Variants in RNF135 observed in about 807,000 individuals in gnomAD.
RNF135 encodes ring finger protein 135.
Under a neutral mutation model 41.9 loss-of-function variants are expected in RNF135, and 46 were observed. The ratio of observed to expected loss-of-function variants is 1.10; its 90% CI spans 0.87 to 1.40. RNF135 has a LOEUF of 1.40. RNF135 is among the 40% of genes most tolerant of loss of function. RNF135 has a pLI of 0.00. For synonymous variants in RNF135, 238 were observed against 223.8 expected, an observed-to-expected ratio of 1.06 and a Z score of -0.57; for missense variants, 539 against 549.8, an observed-to-expected ratio of 0.98 and a Z score of 0.20.
At chr17:30,977,317 T>C (rs1906546571) in intron 1 of RNF135, among the ~76,000 whole-genome samples, 1 of 152,150 alleles carries the variant, frequency 6.6e-6, no homozygotes, top group Non-Finnish European at 1.5e-5. Context: ...TTGAAAGTTG[T>C]TGTAGTTATT....
intron 1 of RNF135, among the ~76,000 whole-genome samples, chr17:30,975,032 C>A (rs7208589): frequency 6.6e-6 from 1 of 151,428 alleles, no homozygotes; most frequent in Admixed American, 6.6e-5. Flanking sequence ...CTCACACTTA[C>A]AATCCTAGCA....
chr17:30,976,060 C>G (rs1029208191), intron 1 of RNF135: 1 of 227,264 alleles, frequency 4.4e-6, no homozygotes, highest in African/African-American at 2.3e-5. Context: ...GACTGGAGTG[C>G]GGTGGCGTGA....
intron 2 of RNF135, among the ~76,000 whole-genome samples, chr17:30,986,484 A>G (rs1298226366): frequency 6.6e-6 from 1 of 152,114 alleles, no homozygotes; most frequent in Non-Finnish European, 1.5e-5. Flanking sequence ...CGTGCGCCAC[A>G]TTGCCTGGCT....
chr17:30,983,734 A>G (rs562422377), intron 1 of RNF135, among the ~76,000 whole-genome samples: 19 of 150,264 alleles, frequency 1.3e-4, no homozygotes, highest in African/African-American at 4.6e-4. Context: ...GAGGGTTCCA[A>G]TCTTCCCACA....
chr17:30,985,419 G>A (rs908132566), intron 2 of RNF135, among the ~76,000 whole-genome samples: 13 of 152,082 alleles, frequency 8.5e-5, no homozygotes, highest in Non-Finnish European at 1.3e-4. Context: ...CCTCTTCTGG[G>A]ATTTCTCATC....
At position 30,983,336 on chromosome 17, in the gene RNF135, TATATATATATATATATA is replaced by T. The variant is rs1187723421; in HGVS notation, c.373-1280_373-1264del. Among the ~76,000 whole-genome samples, 31 of 28,908 alleles carry T rather than the reference TATATATATATATATATA, an allele frequency of 1.1e-3. 1 individual carries two copies. The highest frequency in any genetic ancestry group is 4.3e-3 in the East Asian group (3 of 692). 19.0% of individuals were successfully genotyped at this position (28,908 alleles called of 152,430 possible). On this transcript the variant is annotated intron_variant, in intron 1 of 4. Transcript: ENST00000328381. ...ATATATGTACATATATATATATATATATATATATATATATATATTTTTTTTTTTTTTTTTTGAGATGG... is the reference window on the plus strand; with the variant it reads ...ATATATGTACATATATATATATATATTTTTTTTTTTTTTTTTTTGAGATGG...
At chr17:30,979,813 C>T (rs1471630287) in intron 1 of RNF135, among the ~76,000 whole-genome samples, 2 of 121,118 alleles carry the variant, frequency 1.7e-5, no homozygotes, top group African/African-American at 3.3e-5. Context: ...GGGGGGCTGA[C>T]CCCCCCACCT....
intron 1 of RNF135, chr17:30,978,740 C>T (rs1208369585): frequency 7.6e-6 from 1 of 132,296 alleles, no homozygotes; most frequent in African/African-American, 2.9e-5. Flanking sequence ...TTTTCCTAGG[C>T]AGAGGACCCT....
intron 3 of RNF135, among the ~76,000 whole-genome samples, chr17:30,993,472 T>A (rs552502089): frequency 6.6e-6 from 1 of 152,260 alleles, no homozygotes; most frequent in Non-Finnish European, 1.5e-5. Context: ...CCCAAAGTGC[T>A]GGGATTACAG....
In RNF135 at chr17:30,985,957, C is replaced by T. The variant is rs555120170; in HGVS notation, c.516+1197C>T. On this transcript the variant is annotated intron_variant, in intron 2 of 4. Coordinates refer to ENST00000328381, the MANE Select transcript of RNF135 (RefSeq NM_032322.4). ...CTTCATGGAATGCTCTCCTTTCCCTCCATCACTTAGGTAATACTTGCTCAT... is the reference window on the plus strand; with the variant it reads ...CTTCATGGAATGCTCTCCTTTCCCTTCATCACTTAGGTAATACTTGCTCAT... Among the ~76,000 whole-genome samples the T allele has an allele frequency of 2.2e-4, 33 of 152,302 alleles. 1 individual carries two copies. In the South Asian group the frequency reaches 6.2e-3, roughly 29 times the overall value.
intron 2 of RNF135, 149 bp from the exon 3 acceptor site, chr17:30,987,795 G>C: frequency 1.5e-6 from 1 of 686,412 alleles, no homozygotes. Flanking sequence ...TTTTTTTCAA[G>C]GCATATTTTT....
At chr17:30,991,287 C>T (rs768096359) in intron 3 of RNF135, among the ~76,000 whole-genome samples, 27 of 151,934 alleles carry the variant, frequency 1.8e-4, no homozygotes, top group African/African-American at 3.1e-4. Context: ...TGCTTGAACC[C>T]GGGAGGCAGA....
upstream of RNF135, chr17:30,970,693 C>T: frequency 3.7e-6 from 1 of 272,140 alleles, no homozygotes. Flanking sequence ...CAAGAGTTGT[C>T]GGTGTTGCAT....
chr17:30,973,170 G>A (rs1204399945), intron 1 of RNF135: 4 of 152,114 alleles, frequency 2.6e-5, no homozygotes, highest in Non-Finnish European at 5.9e-5. Context: ...TTGCAGAAAT[G>A]TCTATTCAAG....
Position 30,971,314 on chromosome 17 carries a change from CT to C in RNF135, c.242del (p.Leu81ArgfsTer47). On this transcript the variant is annotated frameshift_variant, in exon 1 of 5. Coordinates refer to ENST00000328381, the MANE Select transcript of RNF135 (RefSeq NM_032322.4). LOFTEE classifies it high-confidence loss of function. ...GCGGAAGAACACGCTACTGCAGGAC[CT>C]GGCCGACAAGTACCGCCGCGCCGCA... is the stretch of plus-strand genomic sequence containing the variant. ...HLRKNTLLQD[L>X]ADKYRRAARE... is the part of the protein sequence containing the mutation. 3 of 1,534,234 alleles carry C rather than the reference CT, an allele frequency of 2.0e-6. No individual in the cohort carries two copies. Among genetic ancestry groups the C allele is most frequent in the Non-Finnish European group, 2.6e-6 (3 of 1,143,694 alleles).
At chr17:30,970,961 A>G, upstream of RNF135, 1 of 1,439,326 alleles carries the variant, frequency 6.9e-7, no homozygotes, top group South Asian at 1.3e-5. Context: ...GAAGGAGGAG[A>G]AAAGGCGGCC....
rs1363928243 is a variant in RNF135 at position 30,971,412 on chromosome 17, C to G, written c.339C>G (p.Ala113=). ...GCTCCAGTTCCCTCTCCAGCGCGGC[C>G]GCGAGGCCCCGGCGCCGCCCGGAAC... ...CPGSSSLSSA[A]ARPRRRPELQ... is the part of the protein sequence containing the mutation. Residue 113 remains alanine, a synonymous_variant, in exon 1 of 5, where the codon GCC becomes GCG. Coordinates refer to ENST00000328381, the MANE Select transcript of RNF135 (RefSeq NM_032322.4). The G allele has an allele frequency of 2.0e-6, 3 of 1,517,290 alleles. No individual in the cohort carries two copies. The highest frequency in any genetic ancestry group is 2.6e-6 in the Non-Finnish European group (3 of 1,139,752). The allele number at this position is 1,517,290 out of a possible 1,614,324, so 94.0% of individuals were successfully genotyped here.
At chr17:30,970,539 G>C (rs1250101555), upstream of RNF135, 4 of 157,556 alleles carry the variant, frequency 2.5e-5, no homozygotes, top group Admixed American at 6.5e-5. Context: ...CCCTGCGAGC[G>C]GGGCCGAACA....
At chr17:30,997,530 C>A (rs543209748) in intron 4 of RNF135, 199 bp downstream of exon 4, 3 of 648,212 alleles carry the variant, frequency 4.6e-6, no homozygotes, top group African/African-American at 1.8e-5. Flanking sequence ...CTCAGAGTCC[C>A]GCCAACCTTT....
Sources: gnomAD v4.1 joint callset for allele counts (sites outside exome capture counted in the v4.1 genomes callset) on GRCh38, gnomAD v4.1.1 for gene constraint, MANE v1.5 for transcripts, NCBI Gene and HGNC (gene_info 2026-07-23, HGNC 2026-07-21) for gene names.